Variants in WWOX observed in about 807,000 individuals in gnomAD.
WWOX encodes the protein WW domain-containing oxidoreductase.
A neutral mutation model predicts 46.2 loss-of-function variants in WWOX; 69 were observed. The ratio of observed to expected loss-of-function variants is 1.49; its 90% confidence interval spans 1.23 to 1.82. The LOEUF (loss-of-function observed/expected upper bound fraction) is 1.82. Among genes scored for constraint, WWOX ranks in the 40% most tolerant of loss-of-function variants. WWOX has a pLI of 0.00. For synonymous variants in WWOX, 359 were observed against 202.6 expected, an observed-to-expected ratio of 1.77 and a Z score of -6.56; for missense variants, 919 against 542.6, an observed-to-expected ratio of 1.69 and a Z score of -6.89.
At chr16:78,460,259 C>T (rs1416483808) in intron 8 of WWOX, among the ~76,000 whole-genome samples, 1 of 152,018 alleles carries the variant, frequency 6.6e-6, no homozygotes, top group Non-Finnish European at 1.5e-5. Flanking sequence ...TTCCAAGTAG[C>T]TGGTTTTGCA....
chr16:78,312,341 T>C (rs11861359), intron 5 of WWOX, among the ~76,000 whole-genome samples: 34,991 of 150,972 alleles, frequency 0.23, 4,486 homozygotes, highest in East Asian at 0.39. Context: ...GAAACACTTA[T>C]ATTGCTAGTG....
chr16:78,887,990 A>G (rs1247079438), intron 8 of WWOX, among the ~76,000 whole-genome samples: 3 of 152,232 alleles, frequency 2.0e-5, no homozygotes, highest in African/African-American at 7.2e-5. Flanking sequence ...GCGACATGAC[A>G]TCCCACATTG....
In WWOX at chr16:78,346,647, A is replaced by T. The variant is rs1044511649; in HGVS notation, c.517-40213A>T. Reference sequence around the variant, plus strand: ...TTTTTTAATTGTGAAATATGTGAGTATGATGAGTAATGATTTTGAACATGA... The same window carrying T: ...TTTTTTAATTGTGAAATATGTGAGTTTGATGAGTAATGATTTTGAACATGA... On this transcript the variant is annotated intron_variant, in intron 5 of 8. Transcript: ENST00000566780. Among the ~76,000 whole-genome samples the T allele has an allele frequency of 1.7e-5, 2 of 119,946 alleles. 1 individual carries two copies. Among genetic ancestry groups the T allele is most frequent in the Admixed American group, 1.6e-4 (2 of 12,288 alleles). The allele number at this position is 119,946 out of a possible 152,430, so 78.7% of individuals were successfully genotyped here.
At chr16:78,918,638 G>C (rs1365427166) in intron 8 of WWOX, among the ~76,000 whole-genome samples, 1 of 152,168 alleles carries the variant, frequency 6.6e-6, no homozygotes, top group Non-Finnish European at 1.5e-5. Flanking sequence ...TATTACTAAT[G>C]ATAATAACAG....
rs539688487 is a variant in WWOX at position 78,199,495 on chromosome 16, G to A, written c.516+35206G>A. On this transcript the variant is annotated intron_variant, in intron 5 of 8. Transcript: ENST00000566780. Reference sequence around the variant, plus strand: ...CCCTGTGTTGTATTTCCTGCTCTGCGGATCCGGCATCATGACCTTTGTACT... The same window carrying A: ...CCCTGTGTTGTATTTCCTGCTCTGCAGATCCGGCATCATGACCTTTGTACT... Among the ~76,000 whole-genome samples the A allele has an allele frequency of 7.2e-5, 11 of 152,216 alleles. No homozygotes were observed. In the South Asian group the frequency reaches 1.7e-3, roughly 23 times the overall value.
chr16:78,926,389 T>G (rs1212123150), intron 8 of WWOX, among the ~76,000 whole-genome samples: 4 of 150,886 alleles, frequency 2.7e-5, no homozygotes, highest in Non-Finnish European at 4.4e-5. Context: ...AAAAAAAAAG[T>G]TCCTAAGAAA....
intron 8 of WWOX, among the ~76,000 whole-genome samples, chr16:78,510,145 G>T (rs2738740): frequency 0.87 from 132,428 of 152,144 alleles, 57,921 homozygotes; most frequent in Admixed American, 0.92. Flanking sequence ...AAGTTACTTA[G>T]GAGTCACTTA....
chr16:79,047,588 A>G (rs2048089285), intron 8 of WWOX, among the ~76,000 whole-genome samples: 1 of 150,210 alleles, frequency 6.7e-6, no homozygotes, highest in Non-Finnish European at 1.5e-5. Flanking sequence ...ATTACTACAA[A>G]TTTTGTGGCA....
intron 8 of WWOX, among the ~76,000 whole-genome samples, chr16:78,433,765 A>G (rs1165565810): frequency 2.1e-5 from 2 of 95,268 alleles, no homozygotes; most frequent in Non-Finnish European, 4.8e-5. Context: ...TAACCTTCGT[A>G]TTTGGGGATG....
chr16:78,989,821 C>CGTGTGTTTGTGTGTGTGT lies in WWOX; in HGVS notation c.1057-221781_1057-221780insTTGTGTGTGTGTGTGTGT, dbSNP rs34409137. ...AAGTGAGACAGAGGTGGTGTGTGAG[C>CGTGTGTTTGTGTGTGTGT]GTGTGTGTGTGTGTGTGTGTGTGTG... is the stretch of plus-strand genomic sequence containing the variant. On this transcript the variant is annotated intron_variant, in intron 8 of 8. Coordinates refer to ENST00000566780, the MANE Select transcript of WWOX (RefSeq NM_016373.4). Among the ~76,000 whole-genome samples, 21 of 136,508 alleles carry CGTGTGTTTGTGTGTGTGT rather than the reference C, an allele frequency of 1.5e-4. No individual in the cohort carries two copies. The East Asian group carries it at 2.2e-3, about 14-fold the overall frequency. The allele number at this position is 136,508 out of a possible 152,430, so 89.6% of individuals were successfully genotyped here.
chr16:78,491,321 T>C (rs564163309), intron 8 of WWOX, among the ~76,000 whole-genome samples: 2 of 152,330 alleles, frequency 1.3e-5, no homozygotes, highest in South Asian at 4.1e-4. Context: ...GAGACGCCCC[T>C]TGGGGAAAGG....
At chr16:78,307,677 A>G (rs550766653) in intron 5 of WWOX, among the ~76,000 whole-genome samples, 4 of 152,340 alleles carry the variant, frequency 2.6e-5, no homozygotes, top group South Asian at 4.1e-4. Flanking sequence ...ACCTAAGATC[A>G]TGGTTATTTG....
chr16:79,168,779 C>T (rs527241510), intron 8 of WWOX, among the ~76,000 whole-genome samples: 6 of 152,212 alleles, frequency 3.9e-5, no homozygotes, highest in South Asian at 2.1e-4. Context: ...CCCAAGATCC[C>T]GGAGCTTGTT....
intron 5 of WWOX, among the ~76,000 whole-genome samples, chr16:78,272,445 T>C (rs943904869): frequency 1.3e-5 from 2 of 152,234 alleles, no homozygotes; most frequent in Admixed American, 6.5e-5. Flanking sequence ...CAGTTTCTTA[T>C]GGCCTGGCTT....
rs1374235202 is a variant in WWOX at position 78,845,081 on chromosome 16, GTCTCC to G, written c.1057-366524_1057-366520del. ...AAAACCTTCATTCCAAAGGGTCGTT[GTCTCC>G]TCCTATTTAATAGCCCTGCATTCAT... On this transcript the variant is annotated intron_variant, in intron 8 of 8. Coordinates refer to ENST00000566780, the MANE Select transcript of WWOX (RefSeq NM_016373.4). 4.0e-5 allele frequency among the ~76,000 whole-genome samples: 6 copies of G among 150,654 alleles called. No individual in the cohort carries two copies. In the East Asian group the frequency reaches 1.2e-3, roughly 29 times the overall value.
At chr16:78,734,368 T>C (rs2142393694) in intron 8 of WWOX, among the ~76,000 whole-genome samples, 1 of 152,304 alleles carries the variant, frequency 6.6e-6, no homozygotes, top group South Asian at 2.1e-4. Context: ...TTTATATCGC[T>C]GTTTGGCCCC....
At position 78,875,749 on chromosome 16, in the gene WWOX, A is replaced by T. The variant is rs116708719; in HGVS notation, c.1057-335859A>T. Among the ~76,000 whole-genome samples the T allele has an allele frequency of 2.6e-3, 398 of 152,218 alleles. 2 individuals carry two copies. Among genetic ancestry groups the T allele is most frequent in the African/African-American group, 9.2e-3 (384 of 41,532 alleles). On this transcript the variant is annotated intron_variant, in intron 8 of 8. Coordinates refer to ENST00000566780, the MANE Select transcript of WWOX (RefSeq NM_016373.4). The stretch of plus-strand genomic sequence containing the variant: ...GATTACAACTGTGTCTACCCTTTCA[A>T]CTGGCCTGTCAGTGTAGGCTCTGCA...
At chr16:79,165,089 A>G (rs1481469760) in intron 8 of WWOX, among the ~76,000 whole-genome samples, 2 of 151,738 alleles carry the variant, frequency 1.3e-5, no homozygotes, top group African/African-American at 4.8e-5. Flanking sequence ...CCTACGTTCC[A>G]TGTAAGATCT....
intron 8 of WWOX, among the ~76,000 whole-genome samples, chr16:79,121,062 C>T (rs866960554): frequency 6.6e-6 from 1 of 152,206 alleles, no homozygotes; most frequent in Non-Finnish European, 1.5e-5. Context: ...AGTCACCATG[C>T]CTGGCTATCT....
Sources: allele counts gnomAD v4.1 joint callset (sites outside exome capture counted in the v4.1 genomes callset), GRCh38; gene constraint gnomAD v4.1.1; transcripts MANE v1.5; gene names NCBI Gene and HGNC (gene_info 2026-07-23, HGNC 2026-07-21).